MALRD1: variants seen among roughly 807,000 people sequenced by gnomAD.
The protein encoded by MALRD1 is MAM and LDL-receptor class A domain-containing protein 1.
MALRD1 carries 247 observed loss-of-function variants against 242.1 expected under a neutral mutation model. The ratio of observed to expected loss-of-function variants is 1.02; its 90% CI spans 0.92 to 1.13. The LOEUF (loss-of-function observed/expected upper bound fraction) is 1.13, where lower values mean the gene tolerates loss of function less well. Among genes scored for constraint, MALRD1 ranks in the 50% most tolerant of loss-of-function variants. The pLI is 0.00. For missense variants in MALRD1, 2,989 were observed against 2,533.1 expected (o/e 1.18, Z -3.86); for synonymous variants, 995 against 866.6 (o/e 1.15, Z -2.60).
At chr10:19,250,942 A>G (rs531533972) in intron 18 of MALRD1, among the ~76,000 whole-genome samples, 44 of 151,624 alleles carry the variant, frequency 2.9e-4, no homozygotes, top group Non-Finnish European at 4.1e-4. Context: ...ATCTTTTTTG[A>G]TTTCTCTTTT....
At chr10:19,597,041 C>T (rs938039393) in intron 34 of MALRD1, among the ~76,000 whole-genome samples, 1 of 152,090 alleles carries the variant, frequency 6.6e-6, no homozygotes, top group African/African-American at 2.4e-5. Context: ...AGGCTTTAGC[C>T]TTAAATCAGT....
chr10:19,175,911 A>T (rs1282250421), intron 14 of MALRD1, among the ~76,000 whole-genome samples: 3 of 152,116 alleles, frequency 2.0e-5, no homozygotes, highest in African/African-American at 7.2e-5. Flanking sequence ...TTGCCATAAA[A>T]ATGGATCTCA....
At chr10:19,362,263 C>T (rs1426713877) in intron 26 of MALRD1, among the ~76,000 whole-genome samples, 1 of 152,066 alleles carries the variant, frequency 6.6e-6, no homozygotes, top group Non-Finnish European at 1.5e-5. Context: ...ATGGAAACCA[C>T]CATTTGGTAT....
chr10:19,088,112 G>T lies in MALRD1; in HGVS notation c.524G>T (p.Trp175Leu). 8.1e-7 allele frequency: 1 copy of T among 1,233,470 alleles called. No homozygotes were observed. The highest frequency in any genetic ancestry group is 1.0e-6 in the Non-Finnish European group (1 of 987,900). 76.4% of individuals were successfully genotyped at this position (1,233,470 alleles called of 1,614,324 possible). ...TGTGGAGGTCCTATTCAGCATTTATGGCAAAACACAGCTGCACTCCCAAAT... is the reference window on the plus strand; with the variant it reads ...TGTGGAGGTCCTATTCAGCATTTATTGCAAAACACAGCTGCACTCCCAAAT... ...TACGGPIQHL[W>L]QNTAALPNQW... The change falls in exon 4 of 40, where the codon TGG (tryptophan) becomes TTG (leucine). Residue 175 changes from tryptophan to leucine, a missense_variant. Trp to Leu is a moderately conservative substitution (Grantham distance 61). Transcript: ENST00000454679.
intron 35 of MALRD1, among the ~76,000 whole-genome samples, chr10:19,609,988 G>T (rs913249170): frequency 6.6e-6 from 1 of 151,872 alleles, no homozygotes; most frequent in Non-Finnish European, 1.5e-5. Flanking sequence ...GCTTAATAAA[G>T]TCTCAGAAGT....
intron 12 of MALRD1, among the ~76,000 whole-genome samples, chr10:19,161,544 A>AGC (rs1466398616): frequency 4.8e-5 from 3 of 62,416 alleles, no homozygotes; most frequent in African/African-American, 1.9e-4. Context: ...ATAAAGAAAA[A>AGC]AAAAGCAAAA....
chr10:19,258,366 A>T (rs948957054), intron 19 of MALRD1, among the ~76,000 whole-genome samples: 9 of 152,114 alleles, frequency 5.9e-5, no homozygotes, highest in Non-Finnish European at 1.3e-4. Context: ...AACACAACCC[A>T]GGCCTTGAAT....
chr10:19,601,544 A>G (rs916712017), intron 34 of MALRD1, among the ~76,000 whole-genome samples: 5 of 152,060 alleles, frequency 3.3e-5, no homozygotes, highest in African/African-American at 1.2e-4. Flanking sequence ...TTGTTTACAA[A>G]TTTCATAAAG....
At chr10:19,651,783 T>C (rs886343644) in intron 36 of MALRD1, among the ~76,000 whole-genome samples, 8 of 152,330 alleles carry the variant, frequency 5.3e-5, no homozygotes, top group Middle Eastern at 3.4e-3. Flanking sequence ...AGAGTGGGGC[T>C]TGATTCATTC....
intron 32 of MALRD1, among the ~76,000 whole-genome samples, chr10:19,537,549 C>A (rs1554795259): frequency 6.6e-6 from 1 of 152,086 alleles, no homozygotes; most frequent in Non-Finnish European, 1.5e-5. Context: ...AGGCTGGCTT[C>A]TTGTATTCAA....
chr10:19,238,448 T>A lies in MALRD1; in HGVS notation c.2992-19236T>A, dbSNP rs865821761. Among the ~76,000 whole-genome samples, 51 of 57,302 alleles carry A rather than the reference T, an allele frequency of 8.9e-4. 3 individuals carry two copies. The highest frequency in any genetic ancestry group is 4.2e-3 in the African/African-American group (48 of 11,520). The allele number at this position is 57,302 out of a possible 152,430, so 37.6% of individuals were successfully genotyped here. On this transcript the variant is annotated intron_variant, in intron 18 of 39. Transcript: ENST00000454679. Reference sequence around the variant, plus strand: ...CATTATATATAATATATAATATACATTATATATAATATATAATATAATATA... The same window carrying A: ...CATTATATATAATATATAATATACAATATATATAATATATAATATAATATA...
At chr10:19,529,107 A>G (rs1300925303) in intron 31 of MALRD1, among the ~76,000 whole-genome samples, 1 of 152,162 alleles carries the variant, frequency 6.6e-6, no homozygotes, top group Non-Finnish European at 1.5e-5. Context: ...AGCAAAGATG[A>G]AAGAAAAATC....
chr10:19,249,733 C>A (rs1190978170), intron 18 of MALRD1, among the ~76,000 whole-genome samples: 1 of 152,010 alleles, frequency 6.6e-6, no homozygotes. Context: ...GAAGGCTTCT[C>A]TGAGAAAGTA....
At chr10:19,561,714 A>AT (rs72513837) in intron 32 of MALRD1, among the ~76,000 whole-genome samples, 112,607 of 149,120 alleles carry the variant, frequency 0.76, 44,635 homozygotes, top group East Asian at 0.95. Flanking sequence ...GCCTCTCAGC[A>AT]TTTTTTTTTT....
intron 21 of MALRD1, among the ~76,000 whole-genome samples, chr10:19,298,364 C>A (rs1477101592): frequency 6.6e-6 from 1 of 151,954 alleles, no homozygotes; most frequent in East Asian, 1.9e-4. Context: ...CCAGCACTGC[C>A]ACACTGGAGA....
At chr10:19,320,656 A>G (rs893637296) in intron 21 of MALRD1, among the ~76,000 whole-genome samples, 1 of 152,172 alleles carries the variant, frequency 6.6e-6, no homozygotes, top group South Asian at 2.1e-4. Context: ...ACTGTCTTCT[A>G]CAATGGTTGA....
rs555201526 is a variant in MALRD1 at position 19,462,234 on chromosome 10, C to T, written c.5029+11744C>T. 2.6e-5 allele frequency among the ~76,000 whole-genome samples: 4 copies of T among 152,316 alleles called. No homozygotes were observed. In the East Asian group the frequency reaches 5.8e-4, roughly 22 times the overall value. On this transcript the variant is annotated intron_variant, in intron 29 of 39. Coordinates refer to ENST00000454679, the MANE Select transcript of MALRD1 (RefSeq NM_001142308.3). The stretch of plus-strand genomic sequence containing the variant: ...TGCAAACCAACCACTCTAGAGCCCA[C>T]ATCTCCACCTACTTCCTTTATGAAG...
Position 19,066,822 on chromosome 10 carries a change from ATCACC to A in MALRD1, c.306_310del (p.Pro103IlefsTer3). 1 of 1,233,746 alleles carries A rather than the reference ATCACC, an allele frequency of 8.1e-7. No individual in the cohort carries two copies. The allele number at this position is 1,233,746 out of a possible 1,614,324, so 76.4% of individuals were successfully genotyped here. On this transcript the variant is annotated frameshift_variant, in exon 2 of 40. Coordinates refer to ENST00000454679, the MANE Select transcript of MALRD1 (RefSeq NM_001142308.3). LOFTEE classifies it high-confidence loss of function. ...CAAAGAGAAGTGGGATGATTGGTCT[ATCACC>A]TCCATTTTATGATCACAATGGTGAT...
chr10:19,259,344 A>C (rs922284565), intron 19 of MALRD1, among the ~76,000 whole-genome samples: 4 of 152,022 alleles, frequency 2.6e-5, no homozygotes, highest in Admixed American at 6.6e-5. Flanking sequence ...GTCCATTCTC[A>C]CACTGCTAAT....
Sources: allele counts gnomAD v4.1 joint callset (sites outside exome capture counted in the v4.1 genomes callset), GRCh38; gene constraint gnomAD v4.1.1; transcripts MANE v1.5; gene names NCBI Gene and HGNC (gene_info 2026-07-23, HGNC 2026-07-21).